The following VPS4B variants were observed in gnomAD, a reference collection of about 807,000 sequenced individuals.
VPS4B encodes the protein vacuolar protein sorting 4 homolog B.
A neutral mutation model predicts 56.1 loss-of-function variants in VPS4B; 23 were observed. That is an observed-to-expected ratio of 0.41 (90% CI 0.30 to 0.58). VPS4B has a LOEUF of 0.58. Among genes scored for constraint, VPS4B ranks in the 20% least tolerant of loss-of-function variants. The pLI is 0.29. For missense variants in VPS4B, 372 were observed against 531.9 expected, an observed-to-expected ratio of 0.70 and a Z score of 2.96; for synonymous variants, 177 against 186.0, an observed-to-expected ratio of 0.95 and a Z score of 0.39.
chr18:63,410,490 A>G (rs760504010), intron 2 of VPS4B, 44 bp from the exon 3 acceptor site: 16 of 1,593,986 alleles, frequency 1.0e-5, no homozygotes, highest in East Asian at 2.2e-5. Context: ...TTAGTATTCT[A>G]TGTAGAAAGG....
At chr18:63,407,901 G>C (rs529043807) in intron 3 of VPS4B, among the ~76,000 whole-genome samples, 77 of 152,276 alleles carry the variant, frequency 5.1e-4, no homozygotes, top group Non-Finnish European at 9.7e-4. Flanking sequence ...GTCATATTAG[G>C]AGGAAAAAAA....
chr18:63,403,612 A>C (rs1343055456), intron 5 of VPS4B, 95 bp downstream of exon 5: 1 of 1,277,828 alleles, frequency 7.8e-7, no homozygotes, highest in Non-Finnish European at 1.1e-6. Context: ...TTTATTTAAG[A>C]TAATTCATTA....
chr18:63,390,793 A>G lies in VPS4B; in HGVS notation c.*182T>C. On this transcript the variant is annotated 3_prime_UTR_variant, in exon 11 of 11. Coordinates refer to ENST00000238497, the MANE Select transcript of VPS4B (RefSeq NM_004869.4). Reference sequence around the variant, plus strand: ...ACCTGTTATTTTGTACCTTTTGTTAATAGGAGTATTTAATAAGTAATGGAG... The same window carrying G: ...ACCTGTTATTTTGTACCTTTTGTTAGTAGGAGTATTTAATAAGTAATGGAG... The G allele has an allele frequency of 2.2e-6, 1 of 462,676 alleles. No homozygotes were observed. The allele number at this position is 462,676 out of a possible 1,614,324, so 28.7% of individuals were successfully genotyped here.
At chr18:63,401,258 A>G (rs371581848) in intron 5 of VPS4B, among the ~76,000 whole-genome samples, 3 of 151,926 alleles carry the variant, frequency 2.0e-5, no homozygotes, top group African/African-American at 7.2e-5. Context: ...ACTTTCTTTT[A>G]TTTTATTTTT....
intron 8 of VPS4B, among the ~76,000 whole-genome samples, chr18:63,398,592 C>T (rs1213285938): frequency 6.6e-6 from 1 of 151,508 alleles, no homozygotes; most frequent in Non-Finnish European, 1.5e-5. Context: ...AATTCCAGCA[C>T]TCTCGGAGGC....
At chr18:63,418,548 T>C (rs1685363742) in intron 1 of VPS4B, among the ~76,000 whole-genome samples, 2 of 152,058 alleles carry the variant, frequency 1.3e-5, no homozygotes, top group Admixed American at 6.6e-5. Flanking sequence ...TAGCTGGGAC[T>C]ACAGGCATGC....
intron 10 of VPS4B, among the ~76,000 whole-genome samples, chr18:63,393,149 A>G (rs554604440): frequency 1.3e-3 from 203 of 152,370 alleles, no homozygotes; most frequent in Non-Finnish European, 2.4e-3. Flanking sequence ...TATTCTAGCT[A>G]TAAGACCTGT....
chr18:63,412,018 C>G (rs1916056352), intron 1 of VPS4B, among the ~76,000 whole-genome samples: 1 of 152,116 alleles, frequency 6.6e-6, no homozygotes, highest in South Asian at 2.1e-4. Flanking sequence ...GGGGTGAAAC[C>G]TCTTCAGAAG....
chr18:63,393,042 A>T (rs953158659), intron 10 of VPS4B, among the ~76,000 whole-genome samples: 3 of 152,102 alleles, frequency 2.0e-5, no homozygotes, highest in East Asian at 1.9e-4. Flanking sequence ...TGGTTATTTT[A>T]AAAAATCTGA....
At chr18:63,402,276 TTC>T (rs200072056) in intron 5 of VPS4B, among the ~76,000 whole-genome samples, 15 of 97,724 alleles carry the variant, frequency 1.5e-4, no homozygotes, top group Admixed American at 1.3e-3. Context: ...ACACTTTTTT[TTC>T]CACTTATAAA....
At chr18:63,396,742 C>G (rs955651905) in intron 9 of VPS4B, 10 of 346,238 alleles carry the variant, frequency 2.9e-5, no homozygotes, top group African/African-American at 1.1e-4. Flanking sequence ...GTGGCTCACG[C>G]CTTTGGGAGG....
At chr18:63,407,991 G>A (rs978121678) in intron 3 of VPS4B, among the ~76,000 whole-genome samples, 2 of 152,156 alleles carry the variant, frequency 1.3e-5, no homozygotes, top group Non-Finnish European at 2.9e-5. Context: ...TGATGACAAT[G>A]AACTACACCC....
chr18:63,400,331 A>C, intron 6 of VPS4B, 135 bp from the exon 7 acceptor site: 1 of 1,138,862 alleles, frequency 8.8e-7, no homozygotes, highest in South Asian at 1.7e-5. Context: ...AGAATGCTAC[A>C]ACTGGATAAT....
At chr18:63,395,383 C>T (rs1334722642) in intron 9 of VPS4B, among the ~76,000 whole-genome samples, 1 of 152,132 alleles carries the variant, frequency 6.6e-6, no homozygotes, top group African/African-American at 2.4e-5. Context: ...AGTACCACGA[C>T]TGGTGTTTTA....
intron 1 of VPS4B, chr18:63,415,299 AC>A (rs1916137094): frequency 1.2e-5 from 2 of 161,136 alleles, no homozygotes; most frequent in Non-Finnish European, 2.7e-5. Flanking sequence ...AGGGATCCAT[AC>A]AAAGGACATC....
chr18:63,410,575 CTCA>C, intron 2 of VPS4B, 129 bp from the exon 3 acceptor site: 10 of 1,200,006 alleles, frequency 8.3e-6, no homozygotes, highest in Non-Finnish European at 1.2e-5. Flanking sequence ...TCATCTCTAA[CTCA>C]TCATAGCCAA....
Position 63,391,287 on chromosome 18 carries a change from G to A in VPS4B, c.1234-211C>T, listed in dbSNP as rs183728107. 1.4e-3 allele frequency among the ~76,000 whole-genome samples: 213 copies of A among 147,648 alleles called. 1 individual carries two copies. The highest frequency in any genetic ancestry group is 2.4e-3 in the Non-Finnish European group (164 of 67,530). The stretch of plus-strand genomic sequence containing the variant: ...CTGTTGGCTCAGGCTGGAGCGCAGT[G>A]GCGTGATCTTGGCTCATTGCAACCT... On this transcript the variant is annotated intron_variant, in intron 10 of 10. Coordinates refer to ENST00000238497, the MANE Select transcript of VPS4B (RefSeq NM_004869.4).
chr18:63,409,138 G>A (rs1915978185), intron 3 of VPS4B, among the ~76,000 whole-genome samples: 1 of 152,196 alleles, frequency 6.6e-6, no homozygotes, highest in South Asian at 2.1e-4. Context: ...CGATGAAGAA[G>A]ATAACATGTT....
At chr18:63,421,675 AG>A (rs957546508) in intron 1 of VPS4B, among the ~76,000 whole-genome samples, 1 of 152,208 alleles carries the variant, frequency 6.6e-6, no homozygotes, top group African/African-American at 2.4e-5. Context: ...AGCCACACAG[AG>A]GTTTAAGAAT....
Sources: allele counts gnomAD v4.1 joint callset (sites outside exome capture counted in the v4.1 genomes callset), GRCh38; gene constraint gnomAD v4.1.1; transcripts MANE v1.5; gene names NCBI Gene and HGNC (gene_info 2026-07-23, HGNC 2026-07-21).